C1orf50: variants seen among roughly 807,000 people sequenced by gnomAD.
The protein encoded by C1orf50 is chromosome 1 open reading frame 50.
In C1orf50, 22 loss-of-function variants were observed where a neutral mutation model predicts 23.3. That is an observed-to-expected ratio of 0.94 (90% CI 0.67 to 1.35). The LOEUF (loss-of-function observed/expected upper bound fraction) is 1.35. Ranked by LOEUF, C1orf50 falls within the 40% of genes most tolerant of loss-of-function variation. The pLI is 0.00. For synonymous variants in C1orf50, 96 were observed against 102.4 expected, an observed-to-expected ratio of 0.94 and a Z score of 0.38; for missense variants, 271 against 249.4, an observed-to-expected ratio of 1.09 and a Z score of -0.58.
Position 42,767,315 on chromosome 1 carries a change from G to T in C1orf50, c.4G>T (p.Glu2Ter), listed in dbSNP as rs771763759. 2.8e-5 allele frequency: 43 copies of T among 1,512,180 alleles called. No homozygotes were observed. Among genetic ancestry groups the T allele is most frequent in the Non-Finnish European group, 3.6e-5 (41 of 1,135,826 alleles). The allele number at this position is 1,512,180 out of a possible 1,614,324, so 93.7% of individuals were successfully genotyped here. A position where few individuals can be genotyped will look rare whatever the true frequency, so the allele number is the denominator to read the frequency against. The stretch of plus-strand genomic sequence containing the variant: ...GTGGGGAGGATAAGGCGCTGTCATG[G>T]AGGACGCCGCCGCGCCGGGGCGGAC... The part of the protein sequence containing the change: M[E>*]DAAAPGRTEG... The change falls in exon 1 of 5, where the codon GAG (glutamate) becomes TAG (stop). Residue 2 changes from glutamate to a stop codon, truncating the protein, a stop_gained. Transcript: ENST00000372525. LOFTEE classifies it high-confidence loss of function.
Position 42,772,753 on chromosome 1 carries a change from C to A in C1orf50, c.196-810C>A, listed in dbSNP as rs188801845. The stretch of plus-strand genomic sequence containing the variant: ...CCAAGATTGCGCCATTGCACTGCAG[C>A]CTGGACAATAAGAACGAAAACTGTC... On this transcript the variant is annotated intron_variant, in intron 2 of 4. Coordinates refer to ENST00000372525, the MANE Select transcript of C1orf50 (RefSeq NM_024097.4). Among the ~76,000 whole-genome samples the A allele has an allele frequency of 2.5e-3, 368 of 149,692 alleles. 1 individual carries two copies. Among genetic ancestry groups the A allele is most frequent in the African/African-American group, 8.8e-3 (354 of 40,390 alleles).
intron 2 of C1orf50, 84 bp from the exon 3 acceptor site, chr1:42,773,479 T>G (rs1425497159): frequency 1.2e-6 from 1 of 850,720 alleles, no homozygotes; most frequent in Non-Finnish European, 1.9e-6. Context: ...AGCAAAATAT[T>G]AACATAACCC....
Position 42,767,517 on chromosome 1 carries a change from G to A in C1orf50, c.88G>A (p.Val30Met), listed in dbSNP as rs760776779. The A allele has an allele frequency of 1.4e-5, 22 of 1,577,092 alleles. No homozygotes were observed. Among genetic ancestry groups the A allele is most frequent in the Non-Finnish European group, 1.8e-5 (21 of 1,161,946 alleles). ...PPAAGQGGALVELTPTPGGLA... is the reference protein window; with the variant it reads ...PPAAGQGGALMELTPTPGGLA... The stretch of plus-strand genomic sequence containing the variant: ...CTGGGTGTGTGTCGCAGGAGCCCTG[G>A]TGGAGCTCACCCCGACCCCCGGCGG... The change falls in exon 2 of 5, where the codon GTG becomes ATG. Residue 30 changes from valine (V) to methionine (M), a missense_variant. Coordinates refer to ENST00000372525, the MANE Select transcript of C1orf50 (RefSeq NM_024097.4).
Position 42,775,782 on chromosome 1 carries a change from A to ATATATG in C1orf50, c.*392_*393insTGTATA, listed in dbSNP as rs1198799942. On this transcript the variant is annotated 3_prime_UTR_variant, in exon 5 of 5. Coordinates refer to ENST00000372525, the MANE Select transcript of C1orf50 (RefSeq NM_024097.4). ...GTCTTTTATATATATATATATATAT[A>ATATATG]TATAACTGGTAGTATTTAACATTGG... 1.4e-5 allele frequency: 2 copies of ATATATG among 147,354 alleles called. No homozygotes were observed. The highest frequency in any genetic ancestry group is 5.0e-5 in the African/African-American group (2 of 40,262). The allele number at this position is 147,354 out of a possible 1,614,324, so 9.1% of individuals were successfully genotyped here.
At chr1:42,774,411 T>C (rs1352398980) in intron 3 of C1orf50, among the ~76,000 whole-genome samples, 4 of 152,138 alleles carry the variant, frequency 2.6e-5, no homozygotes, top group Non-Finnish European at 5.9e-5. Context: ...GTATTTTTAG[T>C]AGAGACAGGG....
chr1:42,775,327 C>T lies in C1orf50; in HGVS notation c.533C>T (p.Thr178Met), dbSNP rs11548275. The T allele has an allele frequency of 0.019, 30,194 of 1,612,730 alleles. 399 individuals carry two copies. Among genetic ancestry groups the T allele is most frequent in the Non-Finnish European group, 0.023 (27,190 of 1,178,898 alleles). The change falls in exon 5 of 5, where the codon ACG (threonine) becomes ATG (methionine). Residue 178 changes from threonine (T) to methionine (M), a missense_variant. Coordinates refer to ENST00000372525, the MANE Select transcript of C1orf50 (RefSeq NM_024097.4). ...GATGCTAAAATCAGCATGATGGACA[C>T]GTTGCTAAGCCAGTCAGTGGCCCTG... ...KQDAKISMMD[T>M]LLSQSVALPP...
chr1:42,774,460 T>C (rs1653292196), intron 3 of C1orf50, among the ~76,000 whole-genome samples: 1 of 152,224 alleles, frequency 6.6e-6, no homozygotes, highest in African/African-American at 2.4e-5. Context: ...TGAACTCAAG[T>C]GATCCACCTG....
chr1:42,770,520 C>T (rs1308382160), intron 2 of C1orf50, among the ~76,000 whole-genome samples: 1 of 151,944 alleles, frequency 6.6e-6, no homozygotes, highest in Non-Finnish European at 1.5e-5. Flanking sequence ...GCAACCTCTG[C>T]CTACCGAGTT....
intron 4 of C1orf50, 111 bp downstream of exon 4, chr1:42,774,979 G>T: frequency 7.4e-7 from 1 of 1,343,922 alleles, no homozygotes; most frequent in Admixed American, 2.1e-5. Context: ...TAGAAAATTG[G>T]GGGTGATGTG....
rs751047375 is a variant in C1orf50, at chr1:42,767,641, G to C, written c.195+17G>C. 1 of 1,593,402 alleles carries C rather than the reference G, an allele frequency of 6.3e-7. No individual in the cohort carries two copies. Among genetic ancestry groups the C allele is most frequent in the Admixed American group, 1.7e-5 (1 of 58,046 alleles). ...GTGCAGAAGGTGAGGAGGCGCGGCC[G>C]GGGCAGCGAATAACCATCTTCGTTC... On this transcript the variant is annotated intron_variant, in intron 2 of 4. Transcript: ENST00000372525.
chr1:42,772,780 G>GA (rs10715539), intron 2 of C1orf50, among the ~76,000 whole-genome samples: 13 of 149,928 alleles, frequency 8.7e-5, no homozygotes, highest in Non-Finnish European at 1.3e-4. Context: ...AAAACTGTCT[G>GA]AAAAAAAAAA....
intron 2 of C1orf50, among the ~76,000 whole-genome samples, chr1:42,769,982 T>C (rs1653182631): frequency 6.6e-6 from 1 of 152,216 alleles, no homozygotes; most frequent in African/African-American, 2.4e-5. Flanking sequence ...CTGTGAAACC[T>C]TGGACAGGTT....
chr1:42,767,694 G>C, intron 2 of C1orf50, 70 bp downstream of exon 2: 1 of 1,374,848 alleles, frequency 7.3e-7, no homozygotes, highest in African/African-American at 1.4e-5. Context: ...TTTCGGCTCA[G>C]ACCTCACTAC....
Position 42,767,495 on chromosome 1 carries a change from G to C in C1orf50, c.80-14G>C. 7.7e-6 allele frequency: 12 copies of C among 1,559,620 alleles called. No individual in the cohort carries two copies. The highest frequency in any genetic ancestry group is 1.0e-5 in the Non-Finnish European group (12 of 1,152,318). ...CGGGAGCTCACGGCTTGTGTTCCTGGGTGTGTGTCGCAGGAGCCCTGGTGG... is the reference window on the plus strand; with the variant it reads ...CGGGAGCTCACGGCTTGTGTTCCTGCGTGTGTGTCGCAGGAGCCCTGGTGG... On this transcript the variant is annotated splice_polypyrimidine_tract_variant and intron_variant, in intron 1 of 4. Transcript: ENST00000372525.
chr1:42,767,581 G>A lies in C1orf50; in HGVS notation c.152G>A (p.Gly51Glu). The A allele has an allele frequency of 6.2e-7, 1 of 1,611,952 alleles. No homozygotes were observed. Among genetic ancestry groups the A allele is most frequent in the Non-Finnish European group, 8.5e-7 (1 of 1,179,594 alleles). Reference sequence around the variant, plus strand: ...AGCCCCTACCACACCCACCGGGCCGGGGACCCCTTAGACCTCGTGGCGCTC... The same window carrying A: ...AGCCCCTACCACACCCACCGGGCCGAGGACCCCTTAGACCTCGTGGCGCTC... ...LVSPYHTHRA[G>E]DPLDLVALAE... Residue 51 changes from glycine to glutamate, a missense_variant, in exon 2 of 5, where the codon GGG (glycine) becomes GAG (glutamate). By Grantham distance (98) the Gly-to-Glu change is moderately conservative. Transcript: ENST00000372525.
Position 42,775,129 on chromosome 1 carries a change from A to G in C1orf50, c.415-80A>G. 3.7e-6 allele frequency: 5 copies of G among 1,343,976 alleles called. No individual in the cohort carries two copies. The South Asian group carries it at 7.0e-5, about 19-fold the overall frequency. 83.3% of individuals were successfully genotyped at this position (1,343,976 alleles called of 1,614,324 possible). A position where few individuals can be genotyped will look rare whatever the true frequency, so the allele number is the denominator to read the frequency against. The stretch of plus-strand genomic sequence containing the variant: ...AGTATGAAGTGAAAAGCCAAAAAAG[A>G]GATTGTGGCATGATTAGGAAATGAG... On this transcript the variant is annotated intron_variant, in intron 4 of 4. Transcript: ENST00000372525.
intron 2 of C1orf50, 76 bp from the exon 3 acceptor site, chr1:42,773,487 C>A (rs1411631168): frequency 3.3e-6 from 3 of 903,546 alleles, no homozygotes; most frequent in Non-Finnish European, 5.2e-6. Flanking sequence ...ATTAACATAA[C>A]CCTGGGATCA....
chr1:42,775,119 G>T, intron 4 of C1orf50, 90 bp from the exon 5 acceptor site: 1 of 1,292,792 alleles, frequency 7.7e-7, no homozygotes, highest in Non-Finnish European at 1.1e-6. Context: ...GAAGTGAAAA[G>T]CCAAAAAAGA....
In C1orf50 at chr1:42,778,089, CT is replaced by C. The variant is rs1412291738; in HGVS notation, c.*2697del. The stretch of plus-strand genomic sequence containing the variant: ...TTTCCTGGTTAAGCCAGTTACCACA[CT>C]TGGGAAGGGCTAGTGGCAATGTGAG... On this transcript the variant is annotated 3_prime_UTR_variant, in exon 5 of 5. Transcript: ENST00000372525. The C allele has an allele frequency of 1.3e-4, 20 of 152,194 alleles. No homozygotes were observed. The East Asian group carries it at 3.5e-3, about 26-fold the overall frequency. The allele number at this position is 152,194 out of a possible 1,614,324, so 9.4% of individuals were successfully genotyped here. A position where few individuals can be genotyped will look rare whatever the true frequency, so the allele number is the denominator to read the frequency against.
Sources: gnomAD v4.1 joint callset for allele counts (sites outside exome capture counted in the v4.1 genomes callset) on GRCh38, gnomAD v4.1.1 for gene constraint, MANE v1.5 for transcripts, NCBI Gene and HGNC (gene_info 2026-07-23, HGNC 2026-07-21) for gene names.